Variants in MAGI2 observed in about 807,000 individuals in gnomAD.
MAGI2 encodes membrane associated guanylate kinase, WW and PDZ domain containing 2.
Under a neutral mutation model 133.3 loss-of-function variants are expected in MAGI2, and 35 were observed. That is an observed-to-expected ratio of 0.26 (90% CI 0.20 to 0.35). The LOEUF (loss-of-function observed/expected upper bound fraction) is 0.35. Ranked by LOEUF, MAGI2 falls within the 10% of genes least tolerant of loss-of-function variation. The probability of loss-of-function intolerance (pLI) is 1.00; values close to 1 mark genes in which losing one functional copy is unlikely to be tolerated. For synonymous variants in MAGI2, 729 were observed against 710.6 expected, an observed-to-expected ratio of 1.03 and a Z score of -0.41; for missense variants, 1,636 against 1,863.4, an observed-to-expected ratio of 0.88 and a Z score of 2.25.
At chr7:79,277,514 A>G (rs1835322202) in intron 1 of MAGI2, among the ~76,000 whole-genome samples, 1 of 152,130 alleles carries the variant, frequency 6.6e-6, no homozygotes, top group South Asian at 2.1e-4. Context: ...CATTTATTCA[A>G]CATATGTGCT....
At chr7:79,118,081 A>C (rs1269372984) in intron 1 of MAGI2, among the ~76,000 whole-genome samples, 1 of 152,204 alleles carries the variant, frequency 6.6e-6, no homozygotes, top group African/African-American at 2.4e-5. Context: ...CATACAATGA[A>C]ATAAAGTAGG....
intron 6 of MAGI2, among the ~76,000 whole-genome samples, chr7:78,488,696 A>G (rs776687987): frequency 6.6e-6 from 1 of 152,014 alleles, no homozygotes; most frequent in Non-Finnish European, 1.5e-5. Flanking sequence ...ATAGACTAAA[A>G]CTGGATATTT....
At chr7:79,067,564 A>G (rs1305123367) in intron 1 of MAGI2, among the ~76,000 whole-genome samples, 1 of 152,104 alleles carries the variant, frequency 6.6e-6, no homozygotes, top group Non-Finnish European at 1.5e-5. Context: ...AGACAATTTG[A>G]CTTCCTCTTT....
intron 2 of MAGI2, among the ~76,000 whole-genome samples, chr7:78,781,102 G>A (rs1413742755): frequency 6.6e-6 from 1 of 152,144 alleles, no homozygotes; most frequent in African/African-American, 2.4e-5. Context: ...GGGATGGCCG[G>A]GCAGGGTGGC....
Position 78,045,024 on chromosome 7 carries a change from G to A in MAGI2, c.3707-25048C>T, listed in dbSNP as rs560403067. Among the ~76,000 whole-genome samples the A allele has an allele frequency of 5.2e-4, 79 of 152,162 alleles. No individual in the cohort carries two copies. In the East Asian group the frequency reaches 7.4e-3, roughly 14 times the overall value. On this transcript the variant is annotated intron_variant, in intron 21 of 21. Transcript: ENST00000354212. Reference sequence around the variant, plus strand: ...TCTACTAGAAATACAAAAATTAGTCGGGCGTGGTGGCACATGCCTGTAGTC... The same window carrying A: ...TCTACTAGAAATACAAAAATTAGTCAGGCGTGGTGGCACATGCCTGTAGTC...
chr7:78,195,095 T>C (rs1312410754), intron 11 of MAGI2, 32 bp from the exon 12 acceptor site: 1 of 1,528,560 alleles, frequency 6.5e-7, no homozygotes, highest in Non-Finnish European at 8.8e-7. Context: ...AGAAAATGAC[T>C]GACAAATTCT....
intron 1 of MAGI2, among the ~76,000 whole-genome samples, chr7:79,266,612 C>G (rs1018789450): frequency 6.6e-6 from 1 of 152,070 alleles, no homozygotes; most frequent in Admixed American, 6.6e-5. Context: ...CTGGCTTAAC[C>G]CATTGCCGTC....
chr7:78,303,879 C>G (rs1231587898), intron 9 of MAGI2, among the ~76,000 whole-genome samples: 1 of 152,116 alleles, frequency 6.6e-6, no homozygotes. Context: ...ATCTCGCTGC[C>G]TACTCACTAT....
chr7:78,462,875 C>T (rs1168749791), intron 6 of MAGI2, among the ~76,000 whole-genome samples: 1 of 152,108 alleles, frequency 6.6e-6, no homozygotes, highest in Non-Finnish European at 1.5e-5. Flanking sequence ...GAGCTGATGG[C>T]AGAATTCACA....
At chr7:78,535,148 T>TA (rs1203609415) in intron 3 of MAGI2, among the ~76,000 whole-genome samples, 1 of 150,240 alleles carries the variant, frequency 6.7e-6, no homozygotes, top group Non-Finnish European at 1.5e-5. Context: ...GAAAAGAAAA[T>TA]AAAAAAATGA....
chr7:78,820,997 T>C (rs761298118), intron 2 of MAGI2, among the ~76,000 whole-genome samples: 1 of 152,022 alleles, frequency 6.6e-6, no homozygotes, highest in Non-Finnish European at 1.5e-5. Context: ...CATTTTTCAA[T>C]TAAGTTTTAC....
At chr7:79,191,402 CTTTTTT>C (rs71095386) in intron 1 of MAGI2, among the ~76,000 whole-genome samples, 8 of 22,330 alleles carry the variant, frequency 3.6e-4, no homozygotes, top group African/African-American at 7.9e-4. Context: ...CTTTTTCTTT[CTTTTTT>C]TTTTTTTTTT....
chr7:79,330,737 T>C (rs1162837832), intron 1 of MAGI2, among the ~76,000 whole-genome samples: 2 of 152,074 alleles, frequency 1.3e-5, no homozygotes, highest in East Asian at 1.9e-4. Flanking sequence ...TGGCCAAAGA[T>C]TGTTGTGAGG....
At chr7:79,155,676 T>C (rs1823711233) in intron 1 of MAGI2, among the ~76,000 whole-genome samples, 1 of 152,122 alleles carries the variant, frequency 6.6e-6, no homozygotes, top group Non-Finnish European at 1.5e-5. Context: ...GTATAGCATG[T>C]GCAAAGGTCA....
chr7:78,404,291 C>T (rs952832943), intron 6 of MAGI2, among the ~76,000 whole-genome samples: 1 of 152,182 alleles, frequency 6.6e-6, no homozygotes, highest in Admixed American at 6.5e-5. Flanking sequence ...CTACCAATTA[C>T]TTTCCTCACA....
chr7:78,724,180 G>C (rs1407006515), intron 2 of MAGI2, among the ~76,000 whole-genome samples: 1 of 152,080 alleles, frequency 6.6e-6, no homozygotes, highest in Admixed American at 6.5e-5. Flanking sequence ...GTTGAGTCAG[G>C]GGCACAGCAT....
At chr7:79,120,385 A>G (rs148945032) in intron 1 of MAGI2, among the ~76,000 whole-genome samples, 4 of 152,170 alleles carry the variant, frequency 2.6e-5, no homozygotes, top group Non-Finnish European at 5.9e-5. Flanking sequence ...AGATGGAAGT[A>G]CTGAAGTTAC....
At chr7:78,296,292 C>T (rs893217365) in intron 9 of MAGI2, among the ~76,000 whole-genome samples, 2 of 152,198 alleles carry the variant, frequency 1.3e-5, no homozygotes, top group Non-Finnish European at 2.9e-5. Flanking sequence ...TAATCTCACC[C>T]TAATTCATGT....
intron 18 of MAGI2, among the ~76,000 whole-genome samples, chr7:78,128,863 C>T (rs1273887139): frequency 6.6e-6 from 1 of 152,098 alleles, no homozygotes; most frequent in African/African-American, 2.4e-5. Context: ...CCTCAATTGT[C>T]CACTCGCCTA....
Sources: gnomAD v4.1 joint callset for allele counts (sites outside exome capture counted in the v4.1 genomes callset) on GRCh38, gnomAD v4.1.1 for gene constraint, MANE v1.5 for transcripts, NCBI Gene and HGNC (gene_info 2026-07-23, HGNC 2026-07-21) for gene names.